Variants in GIPC3 observed in about 807,000 individuals in gnomAD.
The protein encoded by GIPC3 is GIPC PDZ domain containing family member 3.
A neutral mutation model predicts 27.3 loss-of-function variants in GIPC3; 16 were observed. The ratio of observed to expected loss-of-function variants is 0.59; its 90% CI spans 0.40 to 0.89. GIPC3 has a LOEUF of 0.89. GIPC3 is among the 40% of genes least tolerant of loss of function. The pLI is 0.00. For missense variants in GIPC3, 440 were observed against 442.1 expected, an observed-to-expected ratio of 1.00 and a Z score of 0.04; for synonymous variants, 194 against 184.6, an observed-to-expected ratio of 1.05 and a Z score of -0.41.
intron 3 of GIPC3, 122 bp from the exon 4 acceptor site, chr19:3,589,321 A>T: frequency 1.3e-6 from 1 of 752,178 alleles, no homozygotes; most frequent in Non-Finnish European, 2.4e-6. Context: ...TGCCGTACAG[A>T]TGTAAGGAGG....
chr19:3,590,130 C>T lies in GIPC3; in HGVS notation c.879C>T (p.Pro293=), dbSNP rs1214059089. The T allele has an allele frequency of 5.0e-6, 8 of 1,611,198 alleles. No individual in the cohort carries two copies. Among genetic ancestry groups the T allele is most frequent in the East Asian group, 4.5e-5 (2 of 44,768 alleles). ...LDSVLGEFAF[P]DEFVVEVWAA... is the part of the protein sequence containing the mutation. The stretch of plus-strand genomic sequence containing the variant: ...CCGTCTTGGGCGAGTTCGCCTTCCC[C>T]GACGAGTTTGTGGTGGAAGTGTGGG... Residue 293 remains proline, a synonymous_variant, in exon 6 of 6, where the codon CCC becomes CCT. Transcript: ENST00000644452.
In GIPC3 at chr19:3,589,837, G is replaced by C. The variant is rs1477018298; in HGVS notation, c.712G>C (p.Glu238Gln). 1 of 1,613,736 alleles carries C rather than the reference G, an allele frequency of 6.2e-7. No homozygotes were observed. Among genetic ancestry groups the C allele is most frequent in the Non-Finnish European group, 8.5e-7 (1 of 1,179,988 alleles). The change falls in exon 5 of 6, where the codon GAG (glutamate) becomes CAG (glutamine). Residue 238 changes from glutamate (E) to glutamine (Q), a missense_variant. Transcript: ENST00000644452. ...CCCTCCCGTGTGCCCCCAGCCCAGT[G>C]AGTTTGAGGAGGAGGCATCTCGGAA... is the stretch of plus-strand genomic sequence containing the variant. ...GAATVEEAPSEFEEEASRKVD... is the reference protein window; with the variant it reads ...GAATVEEAPSQFEEEASRKVD...
rs2032463887 is a variant in GIPC3, at chr19:3,590,305, A to G, written c.*115A>G. On this transcript the variant is annotated 3_prime_UTR_variant, in exon 6 of 6. Coordinates refer to ENST00000644452, the MANE Select transcript of GIPC3 (RefSeq NM_133261.3). Reference sequence around the variant, plus strand: ...AAGTTCCTCTCTAGAACCCAATCCAATTTGGAGCCCCAGCCCAACTCCAGA... The same window carrying G: ...AAGTTCCTCTCTAGAACCCAATCCAGTTTGGAGCCCCAGCCCAACTCCAGA... The G allele has an allele frequency of 1.4e-6, 2 of 1,462,692 alleles. No homozygotes were observed. Among genetic ancestry groups the G allele is most frequent in the Non-Finnish European group, 1.8e-6 (2 of 1,106,854 alleles). 90.6% of individuals were successfully genotyped at this position (1,462,692 alleles called of 1,614,324 possible).
Position 3,591,430 on chromosome 19 carries a change from C to G in GIPC3, c.*1240C>G. 3.2e-6 allele frequency: 4 copies of G among 1,232,366 alleles called. No individual in the cohort carries two copies. Among genetic ancestry groups the G allele is most frequent in the Non-Finnish European group, 4.0e-6 (4 of 988,190 alleles). The allele number at this position is 1,232,366 out of a possible 1,614,324, so 76.3% of individuals were successfully genotyped here. On this transcript the variant is annotated 3_prime_UTR_variant, in exon 6 of 6. Coordinates refer to ENST00000644452, the MANE Select transcript of GIPC3 (RefSeq NM_133261.3). ...TCGGAGACCAAGCCCTGCTGGAAAACTCAAGCTGACTCTGGAACTCTGGAC... is the reference window on the plus strand; with the variant it reads ...TCGGAGACCAAGCCCTGCTGGAAAAGTCAAGCTGACTCTGGAACTCTGGAC...
chr19:3,586,230 C>T (rs1401153228), intron 1 of GIPC3, among the ~76,000 whole-genome samples: 1 of 152,248 alleles, frequency 6.6e-6, no homozygotes, highest in African/African-American at 2.4e-5. Flanking sequence ...TTTTCCAATC[C>T]GGGTTCGTTT....
chr19:3,586,532 T>A lies in GIPC3; in HGVS notation c.263T>A (p.Met88Lys). 1 of 1,613,916 alleles carries A rather than the reference T, an allele frequency of 6.2e-7. No individual in the cohort carries two copies. The highest frequency in any genetic ancestry group is 1.1e-5 in the South Asian group (1 of 91,092). The change falls in exon 2 of 6, where the codon ATG (methionine) becomes AAG (lysine). Residue 88 changes from methionine (M) to lysine (K), a missense_variant. Met to Lys is a moderately conservative substitution (Grantham distance 95). Transcript: ENST00000644452. ...ACCCTCAACAGCCACAAAGTGGACA[T>A]GCAGAAGCTCCTGGGGGGTCAGATA... ...FCTLNSHKVDMQKLLGGQIGL... is the reference protein window; with the variant it reads ...FCTLNSHKVDKQKLLGGQIGL...
chr19:3,586,432 C>A, intron 1 of GIPC3, 63 bp from the exon 2 acceptor site: 1 of 1,489,540 alleles, frequency 6.7e-7, no homozygotes, highest in Non-Finnish European at 9.3e-7. Context: ...CCTGCGCAGA[C>A]AGGGTGGCTG....
chr19:3,585,914 C>A, intron 1 of GIPC3, 92 bp downstream of exon 1: 1 of 1,467,826 alleles, frequency 6.8e-7, no homozygotes, highest in African/African-American at 1.4e-5. Context: ...CCCAGATCCC[C>A]GGATCCCAGA....
rs560422847 is a variant in GIPC3 at position 3,587,164 on chromosome 19, T to G, written c.592+170T>G. The stretch of plus-strand genomic sequence containing the variant: ...TCGTAGGTAGTTTCTATTAATAGAT[T>G]GTTATGGAGTCAGCCTGTGGGGGAG... On this transcript the variant is annotated intron_variant, in intron 3 of 5. Transcript: ENST00000644452. Among the ~76,000 whole-genome samples the G allele has an allele frequency of 5.3e-5, 8 of 150,400 alleles. No homozygotes were observed. The East Asian group carries it at 1.6e-3, about 30-fold the overall frequency.
In GIPC3 at chr19:3,586,863, G is replaced by A. The variant is rs761468917; in HGVS notation, c.461G>A (p.Gly154Asp). 1.7e-5 allele frequency: 27 copies of A among 1,613,608 alleles called. No homozygotes were observed. Among genetic ancestry groups the A allele is most frequent in the Non-Finnish European group, 2.2e-5 (26 of 1,180,000 alleles). The change falls in exon 3 of 6, where the codon GGT (glycine) becomes GAT (aspartate). Residue 154 changes from glycine to aspartate, a missense_variant. Transcript: ENST00000644452. ...AACCGGATCGAGGCAGTGTGCGTGG[G>A]TGACAGCATCGAAGCCATCAACGAC... is the stretch of plus-strand genomic sequence containing the variant. ...IINRIEAVCV[G>D]DSIEAINDHS...
intron 3 of GIPC3, among the ~76,000 whole-genome samples, chr19:3,588,656 A>AAAAAAAAAAAAAAAC (rs1555704535): frequency 6.6e-5 from 10 of 150,934 alleles, no homozygotes; most frequent in African/African-American, 2.5e-4. Flanking sequence ...AAAAAAAAAA[A>AAAAAAAAAAAAAAAC]AAACCTGGCT....
chr19:3,586,451 G>T (rs1463689738), intron 1 of GIPC3, 44 bp from the exon 2 acceptor site: 1 of 1,572,894 alleles, frequency 6.4e-7, no homozygotes, highest in African/African-American at 1.3e-5. Context: ...TGCGTGGGGG[G>T]ATGCATGCCC....
chr19:3,586,395 T>G, intron 1 of GIPC3, 100 bp from the exon 2 acceptor site: 4 of 1,074,048 alleles, frequency 3.7e-6, no homozygotes, highest in Non-Finnish European at 5.6e-6. Context: ...TCCCATGGGC[T>G]GGGATCCTGG....
rs1437146616 is a variant in GIPC3 at position 3,585,671 on chromosome 19, C to T, written c.74C>T (p.Ser25Leu). The change falls in exon 1 of 6, where the codon TCG (serine) becomes TTG (leucine). Residue 25 changes from serine (S) to leucine (L), a missense_variant. Ser to Leu is a moderately radical substitution (Grantham distance 145). Transcript: ENST00000644452. ...PRASAPPPAP[S>L]EPPAAPRARP... ...GCGTCTGCGCCCCCGCCCGCGCCCTCGGAGCCCCCGGCCGCGCCCCGCGCC... is the reference window on the plus strand; with the variant it reads ...GCGTCTGCGCCCCCGCCCGCGCCCTTGGAGCCCCCGGCCGCGCCCCGCGCC... The T allele has an allele frequency of 5.4e-6, 7 of 1,294,844 alleles. No homozygotes were observed. Among genetic ancestry groups the T allele is most frequent in the Middle Eastern group, 2.9e-4 (1 of 3,478 alleles). 80.2% of individuals were successfully genotyped at this position (1,294,844 alleles called of 1,614,324 possible).
Position 3,592,909 on chromosome 19 carries a change from C to T in GIPC3, c.*2719C>T. 1 of 1,231,534 alleles carries T rather than the reference C, an allele frequency of 8.1e-7. No homozygotes were observed. The allele number at this position is 1,231,534 out of a possible 1,614,324, so 76.3% of individuals were successfully genotyped here. A position where few individuals can be genotyped will look rare whatever the true frequency, so the allele number is the denominator to read the frequency against. ...CCTAGAATCCAGCTTGAGGCCCCTG[C>T]CCCAGCCCAACCTCAGCCCCCAGGC... On this transcript the variant is annotated 3_prime_UTR_variant, in exon 6 of 6. Coordinates refer to ENST00000644452, the MANE Select transcript of GIPC3 (RefSeq NM_133261.3).
At position 3,592,000 on chromosome 19, in the gene GIPC3, C is replaced by T. The variant is rs2145277882; in HGVS notation, c.*1810C>T. 8.1e-7 allele frequency: 1 copy of T among 1,232,166 alleles called. No individual in the cohort carries two copies. Among genetic ancestry groups the T allele is most frequent in the East Asian group, 3.2e-5 (1 of 31,716 alleles). 76.3% of individuals were successfully genotyped at this position (1,232,166 alleles called of 1,614,324 possible). Reference sequence around the variant, plus strand: ...CCCAGCTCTGGAACTCAGCTCAGTTCTGGAGCACAGGCTGGTTCTGAAATC... The same window carrying T: ...CCCAGCTCTGGAACTCAGCTCAGTTTTGGAGCACAGGCTGGTTCTGAAATC... On this transcript the variant is annotated 3_prime_UTR_variant, in exon 6 of 6. Coordinates refer to ENST00000644452, the MANE Select transcript of GIPC3 (RefSeq NM_133261.3).
rs1568278731 is a variant in GIPC3 at position 3,589,912 on chromosome 19, G to C, written c.787G>C (p.Ala263Pro). 4 of 1,613,854 alleles carry C rather than the reference G, an allele frequency of 2.5e-6. No individual in the cohort carries two copies. The highest frequency in any genetic ancestry group is 3.4e-6 in the Non-Finnish European group (4 of 1,180,026). ...SYMGIRDPEL[A>P]STMVETSKKT... ...CATGGGCATTCGGGACCCCGAGCTG[G>C]GTAAGGGGCCAGGGTAAGCCAGGGG... Residue 263 changes from alanine to proline, a missense_variant and splice_region_variant, in exon 5 of 6, where the codon GCG (alanine) becomes CCG (proline). By Grantham distance (27) the Ala-to-Pro change is conservative (BLOSUM62 -1). Coordinates refer to ENST00000644452, the MANE Select transcript of GIPC3 (RefSeq NM_133261.3).
rs75140438 is a variant in GIPC3 at position 3,591,221 on chromosome 19, C to T, written c.*1031C>T. The T allele has an allele frequency of 1.4e-3, 1,698 of 1,233,004 alleles. 20 individuals carry two copies. In the African/African-American group the frequency reaches 0.024, roughly 18 times the overall value. 76.4% of individuals were successfully genotyped at this position (1,233,004 alleles called of 1,614,324 possible). The stretch of plus-strand genomic sequence containing the variant: ...CTCAGGCCACCTCTGAGGCCAAACC[C>T]AGCTCTAGAACCCAGATAAGATCTG... On this transcript the variant is annotated 3_prime_UTR_variant, in exon 6 of 6. Transcript: ENST00000644452.
Position 3,587,980 on chromosome 19 carries a change from C to T in GIPC3, c.592+986C>T, listed in dbSNP as rs376427692. ...CTGCGATTACAGGTGTGAGCCACCG[C>T]GCCTGGCCGTGCCAGCTAATTTTTA... On this transcript the variant is annotated intron_variant, in intron 3 of 5. Transcript: ENST00000644452. 1.8e-4 allele frequency among the ~76,000 whole-genome samples: 28 copies of T among 152,176 alleles called. No homozygotes were observed. The East Asian group carries it at 3.7e-3, about 20-fold the overall frequency.
Sources: gnomAD v4.1 joint callset for allele counts (sites outside exome capture counted in the v4.1 genomes callset) on GRCh38, gnomAD v4.1.1 for gene constraint, MANE v1.5 for transcripts, NCBI Gene and HGNC (gene_info 2026-07-23, HGNC 2026-07-21) for gene names.